TTI1: variants seen among roughly 807,000 people sequenced by gnomAD.
The protein encoded by TTI1 is TELO2-interacting protein 1 homolog.
In TTI1, 52 loss-of-function variants were observed where a neutral mutation model predicts 85.4. The observed-to-expected ratio is 0.61, with a 90% CI of 0.49 to 0.77. The LOEUF is 0.77. Ranked by LOEUF, TTI1 falls within the 30% of genes least tolerant of loss-of-function variation. The pLI is 0.00. For missense variants in TTI1, 1,173 were observed against 1,296.0 expected, an observed-to-expected ratio of 0.91 and a Z score of 1.46; for synonymous variants, 512 against 503.9, an observed-to-expected ratio of 1.02 and a Z score of -0.22.
At chr20:38,022,868 G>C (rs1216899042) in intron 1 of TTI1, among the ~76,000 whole-genome samples, 2 of 152,036 alleles carry the variant, frequency 1.3e-5, no homozygotes, top group Non-Finnish European at 2.9e-5. Context: ...CTGGAGGACT[G>C]ATCTGGGTTC....
At chr20:37,989,610 G>A (rs2073235671) in intron 7 of TTI1, among the ~76,000 whole-genome samples, 2 of 152,180 alleles carry the variant, frequency 1.3e-5, no homozygotes, top group Admixed American at 6.5e-5. Context: ...ACAGTGTATT[G>A]GGCACAGATT....
At position 38,025,905 on chromosome 20, in the gene TTI1, G is replaced by GA. The variant is rs1382428357; in HGVS notation, c.-42+7498dup. ...GGAATTACCCAATCTGAACAACAGA[G>GA]AAAAAACTACTGAAAAATATATAAA... On this transcript the variant is annotated intron_variant, in intron 1 of 7. Transcript: ENST00000373447. Among the ~76,000 whole-genome samples, 7 of 152,240 alleles carry GA rather than the reference G, an allele frequency of 4.6e-5. No individual in the cohort carries two copies. The South Asian group carries it at 1.2e-3, about 27-fold the overall frequency.
At chr20:37,987,262 C>T (rs759694526) in intron 7 of TTI1, 1 of 456,578 alleles carries the variant, frequency 2.2e-6, no homozygotes, top group African/African-American at 2.0e-5. Flanking sequence ...GAGTGAACAG[C>T]TGAAAGCCAA....
intron 1 of TTI1, among the ~76,000 whole-genome samples, chr20:38,019,973 T>C (rs1439862050): frequency 2.0e-5 from 3 of 152,106 alleles, no homozygotes; most frequent in Admixed American, 1.3e-4. Flanking sequence ...GTCAGCATAA[T>C]CCTAATCAAA....
At chr20:38,011,422 T>C in intron 2 of TTI1, 93 bp downstream of exon 2, 1 of 1,407,438 alleles carries the variant, frequency 7.1e-7, no homozygotes, top group Non-Finnish European at 9.6e-7. Flanking sequence ...CTCCATAGCA[T>C]CACCACAAAC....
chr20:37,986,367 C>T (rs1338134028), intron 7 of TTI1, among the ~76,000 whole-genome samples: 3 of 152,138 alleles, frequency 2.0e-5, no homozygotes, highest in Admixed American at 2.0e-4. Flanking sequence ...TATTTGTTGG[C>T]AGGAAAGGAA....
chr20:38,016,447 G>A (rs1352364604), intron 1 of TTI1, among the ~76,000 whole-genome samples: 1 of 152,136 alleles, frequency 6.6e-6, no homozygotes, highest in Non-Finnish European at 1.5e-5. Flanking sequence ...CAGGGTGGTG[G>A]TTCCTAAACT....
intron 1 of TTI1, among the ~76,000 whole-genome samples, chr20:38,030,645 T>C (rs904554449): frequency 2.0e-5 from 3 of 152,172 alleles, no homozygotes; most frequent in Non-Finnish European, 4.4e-5. Flanking sequence ...ACTAACAAGC[T>C]ATTAACAAGC....
At chr20:38,009,428 C>T (rs918764349) in intron 2 of TTI1, among the ~76,000 whole-genome samples, 2 of 152,206 alleles carry the variant, frequency 1.3e-5, no homozygotes, top group Non-Finnish European at 2.9e-5. Flanking sequence ...TCTTGCAACA[C>T]TCTCTACAAA....
Position 38,002,787 on chromosome 20 carries a change from A to T in TTI1, c.2504-11T>A. 6.2e-7 allele frequency: 1 copy of T among 1,613,418 alleles called. No homozygotes were observed. Among genetic ancestry groups the T allele is most frequent in the South Asian group, 1.1e-5 (1 of 91,060 alleles). On this transcript the variant is annotated splice_polypyrimidine_tract_variant and intron_variant, in intron 3 of 7. Transcript: ENST00000373447. ...GGACTGACTGTTCCTCTGGAAAAAG[A>T]GCACAACTGGGGGCAGTGTTGTATG...
Position 38,013,571 on chromosome 20 carries a change from A to T in TTI1, c.246T>A (p.Leu82=), listed in dbSNP as rs1568624740. The T allele has an allele frequency of 6.2e-7, 1 of 1,614,134 alleles. No individual in the cohort carries two copies. The highest frequency in any genetic ancestry group is 8.5e-7 in the Non-Finnish European group (1 of 1,180,052). ...CCTGTTCTTTCACACATGTTGAAGA[A>T]AGGACAAATGTGAGGCATTCCACCA... is the stretch of plus-strand genomic sequence containing the variant. ...QSVVECLTFV[L]SSTCVKEQEL... The change falls in exon 2 of 8, where the codon CTT becomes CTA. Residue 82 remains leucine (L), a synonymous_variant. Transcript: ENST00000373447.
At chr20:37,989,640 T>C (rs2073236053) in intron 7 of TTI1, among the ~76,000 whole-genome samples, 1 of 152,272 alleles carries the variant, frequency 6.6e-6, no homozygotes, top group Non-Finnish European at 1.5e-5. Context: ...CATTCTGTGC[T>C]GAGCACTATG....
At chr20:37,984,836 T>C (rs764024781) in intron 7 of TTI1, among the ~76,000 whole-genome samples, 1 of 152,244 alleles carries the variant, frequency 6.6e-6, no homozygotes, top group South Asian at 2.1e-4. Context: ...GCACCTGGAA[T>C]GGCATGTGGT....
At chr20:37,984,268 C>T (rs564160888) in intron 7 of TTI1, among the ~76,000 whole-genome samples, 1 of 152,290 alleles carries the variant, frequency 6.6e-6, no homozygotes, top group East Asian at 1.9e-4. Context: ...CAAAGGGTTC[C>T]TTTATTCTCC....
rs771179183 is a variant in TTI1, at chr20:38,012,338, C to T, written c.1479G>A (p.Gln493=). 1.9e-6 allele frequency: 3 copies of T among 1,614,172 alleles called. No individual in the cohort carries two copies. In the Admixed American group the frequency reaches 5.0e-5, roughly 27 times the overall value. The part of the protein sequence containing the change: ...RIFMLLRQVC[Q]LLGYYGNLYL... ...AAAGATTCCCATAATAACCAAGTAG[C>T]TGACAAACCTGCCTCAAGAGCATGA... Residue 493 remains glutamine, a synonymous_variant, in exon 2 of 8, where the codon CAG becomes CAA. Transcript: ENST00000373447.
chr20:37,996,791 C>T lies in TTI1; in HGVS notation c.2956G>A (p.Val986Ile), dbSNP rs770227791. 19 of 1,613,754 alleles carry T rather than the reference C, an allele frequency of 1.2e-5. No homozygotes were observed. The highest frequency in any genetic ancestry group is 2.7e-5 in the African/African-American group (2 of 75,044). ...CAGAGGGGGCCCAGGCCCTGTAAGA[C>T]AGCCAGCTGCAACTTGAAGGCCAGC... Reference protein sequence around the residue: ...HTLAFKLQLAVLQGLGPLCER... With the variant: ...HTLAFKLQLAILQGLGPLCER... Residue 986 changes from valine (V) to isoleucine (I), a missense_variant, in exon 6 of 8, where the codon GTC becomes ATC. Val to Ile is a conservative substitution (Grantham distance 29). Coordinates refer to ENST00000373447, the MANE Select transcript of TTI1 (RefSeq NM_001303457.2).
intron 3 of TTI1, among the ~76,000 whole-genome samples, chr20:38,005,688 C>T (rs2073485909): frequency 6.6e-6 from 1 of 151,864 alleles, no homozygotes; most frequent in South Asian, 2.1e-4. Context: ...TATAAATTGA[C>T]ACAACCTTTT....
rs149902836 is a variant in TTI1 at position 38,032,284 on chromosome 20, C to T, written c.-42+1120G>A. On this transcript the variant is annotated intron_variant, in intron 1 of 7. Coordinates refer to ENST00000373447, the MANE Select transcript of TTI1 (RefSeq NM_001303457.2). ...TCTAGCACATAGTAACCTCTCACTG[C>T]GTTAGCTATGATTATGATTCCAGTC... Among the ~76,000 whole-genome samples the T allele has an allele frequency of 6.9e-3, 1,056 of 152,272 alleles. 5 individuals are homozygous for T. Among genetic ancestry groups the T allele is most frequent in the African/African-American group, 0.02 (837 of 41,546 alleles).
intron 4 of TTI1, among the ~76,000 whole-genome samples, chr20:38,002,308 A>C (rs756049385): frequency 1.3e-5 from 2 of 152,254 alleles, no homozygotes; most frequent in Admixed American, 6.5e-5. Flanking sequence ...TCATTAAAGT[A>C]TTAAAACCTG....
Sources: allele counts gnomAD v4.1 joint callset (sites outside exome capture counted in the v4.1 genomes callset), GRCh38; gene constraint gnomAD v4.1.1; transcripts MANE v1.5; gene names NCBI Gene and HGNC (gene_info 2026-07-23, HGNC 2026-07-21).